SGCZ: variants seen among roughly 807,000 people sequenced by gnomAD.
The protein encoded by SGCZ is sarcoglycan zeta.
SGCZ carries 40 observed loss-of-function variants against 41.3 expected under a neutral mutation model. The observed-to-expected ratio is 0.97, with a 90% CI of 0.75 to 1.26. SGCZ has a LOEUF of 1.26. Ranked by LOEUF, SGCZ falls within the 50% of genes most tolerant of loss-of-function variation. SGCZ has a pLI of 0.00. For synonymous variants in SGCZ, 206 were observed against 137.5 expected (o/e 1.50, Z -3.49); for missense variants, 552 against 369.8 (o/e 1.49, Z -4.04).
At chr8:14,745,319 T>C (rs1381352410) in intron 1 of SGCZ, among the ~76,000 whole-genome samples, 1 of 152,124 alleles carries the variant, frequency 6.6e-6, no homozygotes, top group African/African-American at 2.4e-5. Context: ...ACTACTAAGA[T>C]TTCAGTGGGT....
intron 1 of SGCZ, among the ~76,000 whole-genome samples, chr8:15,154,713 A>G (rs1297604730): frequency 6.6e-6 from 1 of 152,222 alleles, no homozygotes; most frequent in African/African-American, 2.4e-5. Context: ...TTAAAGTTGC[A>G]CTTCAAGCAA....
chr8:14,980,702 G>C (rs1490163861), intron 1 of SGCZ, among the ~76,000 whole-genome samples: 1 of 151,560 alleles, frequency 6.6e-6, no homozygotes, highest in East Asian at 2.0e-4. Flanking sequence ...ACCACCATGA[G>C]AACATTATGG....
chr8:15,031,382 T>C (rs1210479425), intron 1 of SGCZ, among the ~76,000 whole-genome samples: 1 of 152,098 alleles, frequency 6.6e-6, no homozygotes, highest in East Asian at 1.9e-4. Context: ...GTAGAGAGTG[T>C]TGAATCTGAA....
chr8:14,825,490 T>A (rs997039079), intron 1 of SGCZ, among the ~76,000 whole-genome samples: 6 of 152,220 alleles, frequency 3.9e-5, no homozygotes, highest in African/African-American at 7.2e-5. Context: ...TATTTAATAA[T>A]TTTTCTATAC....
intron 1 of SGCZ, among the ~76,000 whole-genome samples, chr8:14,749,310 A>G (rs1185249282): frequency 6.6e-6 from 1 of 152,194 alleles, no homozygotes; most frequent in Non-Finnish European, 1.5e-5. Context: ...TCTGTTTCCC[A>G]GAAACCGAAT....
At chr8:14,607,073 A>C (rs558321492) in intron 1 of SGCZ, among the ~76,000 whole-genome samples, 8 of 152,278 alleles carry the variant, frequency 5.3e-5, no homozygotes, top group Non-Finnish European at 1.2e-4. Flanking sequence ...ACAATGGCTC[A>C]TCTATTCATT....
rs561767065 is a variant in SGCZ at position 14,833,538 on chromosome 8, C to T, written c.40-278612G>A. Among the ~76,000 whole-genome samples the T allele has an allele frequency of 1.2e-4, 19 of 152,266 alleles. 1 individual carries two copies. Among genetic ancestry groups the T allele is most frequent in the African/African-American group, 4.3e-4 (18 of 41,558 alleles). On this transcript the variant is annotated intron_variant, in intron 1 of 7. Transcript: ENST00000382080. Reference sequence around the variant, plus strand: ...GACATCCTTGCCTAGGCTGATTGTTCTTAACATTTTAGTACATGGTTTGAT... The same window carrying T: ...GACATCCTTGCCTAGGCTGATTGTTTTTAACATTTTAGTACATGGTTTGAT...
Position 14,199,100 on chromosome 8 carries a change from G to A in SGCZ, c.425-34398C>T, listed in dbSNP as rs530694526. Among the ~76,000 whole-genome samples, 3 of 152,280 alleles carry A rather than the reference G, an allele frequency of 2.0e-5. No individual in the cohort carries two copies. The South Asian group carries it at 6.2e-4, about 32-fold the overall frequency. On this transcript the variant is annotated intron_variant, in intron 4 of 7. Coordinates refer to ENST00000382080, the MANE Select transcript of SGCZ (RefSeq NM_139167.4). Reference sequence around the variant, plus strand: ...ATAACCTTAAACTCTGGCTGCCTGTGGGCCAGGCGGAACAGAGCCATATTT... The same window carrying A: ...ATAACCTTAAACTCTGGCTGCCTGTAGGCCAGGCGGAACAGAGCCATATTT...
intron 1 of SGCZ, among the ~76,000 whole-genome samples, chr8:15,156,711 A>G (rs1013097399): frequency 2.0e-5 from 3 of 152,186 alleles, no homozygotes; most frequent in African/African-American, 4.8e-5. Flanking sequence ...TGGGAGTCCA[A>G]GGCAGACGGA....
intron 5 of SGCZ, among the ~76,000 whole-genome samples, chr8:14,135,932 T>G (rs532996711): frequency 1.3e-5 from 2 of 152,030 alleles, no homozygotes; most frequent in Admixed American, 1.3e-4. Context: ...ATTTTACATA[T>G]CTTACAAAAA....
chr8:14,680,999 C>G (rs1244118366), intron 1 of SGCZ, among the ~76,000 whole-genome samples: 2 of 145,090 alleles, frequency 1.4e-5, no homozygotes, highest in Non-Finnish European at 3.0e-5. Context: ...TCGGTGAACC[C>G]TGGCACAATA....
chr8:14,608,871 AC>A (rs1805839620), intron 1 of SGCZ, among the ~76,000 whole-genome samples: 1 of 152,148 alleles, frequency 6.6e-6, no homozygotes, highest in African/African-American at 2.4e-5. Context: ...AAAAGGTCCA[AC>A]TTTTTCTAAG....
intron 1 of SGCZ, among the ~76,000 whole-genome samples, chr8:15,003,660 C>T (rs1802504538): frequency 6.6e-6 from 1 of 152,112 alleles, no homozygotes; most frequent in Admixed American, 6.6e-5. Flanking sequence ...TATGACTCTT[C>T]AGCTTTTGGA....
chr8:14,328,634 G>A (rs894344999), intron 2 of SGCZ, among the ~76,000 whole-genome samples: 5 of 151,894 alleles, frequency 3.3e-5, no homozygotes, highest in African/African-American at 1.2e-4. Flanking sequence ...GTTATTTTAA[G>A]AGAAACTATC....
chr8:14,873,697 G>A (rs1308515580), intron 1 of SGCZ, among the ~76,000 whole-genome samples: 1 of 152,074 alleles, frequency 6.6e-6, no homozygotes. Flanking sequence ...AACTCTCATT[G>A]GAAGTCCATG....
intron 3 of SGCZ, among the ~76,000 whole-genome samples, chr8:14,251,387 T>C (rs773494351): frequency 6.6e-6 from 1 of 152,180 alleles, no homozygotes; most frequent in East Asian, 1.9e-4. Context: ...GAAAATCAGA[T>C]AGTAAATATA....
intron 2 of SGCZ, among the ~76,000 whole-genome samples, chr8:14,381,930 T>C (rs915791689): frequency 6.6e-6 from 1 of 152,230 alleles, no homozygotes; most frequent in Admixed American, 6.5e-5. Context: ...CTGCTTCTTA[T>C]ACTTCACCAG....
chr8:14,138,584 G>C (rs2116919181), intron 5 of SGCZ, among the ~76,000 whole-genome samples: 1 of 150,868 alleles, frequency 6.6e-6, no homozygotes. Flanking sequence ...AAGATCAAAA[G>C]AGACAAAGAA....
At chr8:14,375,481 G>C (rs1391404886) in intron 2 of SGCZ, among the ~76,000 whole-genome samples, 3 of 151,896 alleles carry the variant, frequency 2.0e-5, no homozygotes, top group Non-Finnish European at 4.4e-5. Flanking sequence ...TAATATATTA[G>C]GTCACAAAGA....
Sources: allele counts gnomAD v4.1 joint callset (sites outside exome capture counted in the v4.1 genomes callset), GRCh38; gene constraint gnomAD v4.1.1; transcripts MANE v1.5; gene names NCBI Gene and HGNC (gene_info 2026-07-23, HGNC 2026-07-21).